The following PCDHA5 variants were observed in gnomAD, a reference collection of about 807,000 sequenced individuals.
The protein encoded by PCDHA5 is protocadherin alpha 5.
Under a neutral mutation model 61.6 loss-of-function variants are expected in PCDHA5, and 43 were observed. The ratio of observed to expected loss-of-function variants is 0.70; its 90% CI spans 0.55 to 0.90. The LOEUF is 0.90. Among genes scored for constraint, PCDHA5 ranks in the 40% least tolerant of loss-of-function variants. The pLI is 0.00. For synonymous variants in PCDHA5, 627 were observed against 543.9 expected (o/e 1.15, Z -2.13); for missense variants, 1,298 against 1,222.7 (o/e 1.06, Z -0.92).
intron 1 of PCDHA5, chr5:140,863,421 C>A (rs564217392): frequency 7.2e-6 from 5 of 689,680 alleles, no homozygotes; most frequent in Admixed American, 1.9e-5. Context: ...TGTACCGCAG[C>A]GTAGTGGGAT....
In PCDHA5 at chr5:140,822,807, T is replaced by TAA. The variant is rs2150119555; in HGVS notation, c.1033_1034dup (p.Asn345LysfsTer8). ...TAGTGAAACTCCTGGATGTGAATGA[T>TAA]AATACCCCAGAGATGGCCATAACCA... is the stretch of plus-strand genomic sequence containing the variant. On this transcript the variant is annotated frameshift_variant, in exon 1 of 4. Coordinates refer to ENST00000529859, the MANE Select transcript of PCDHA5 (RefSeq NM_018908.3). LOFTEE classifies it high-confidence loss of function. The TAA allele has an allele frequency of 6.2e-7, 1 of 1,614,176 alleles. No homozygotes were observed. The highest frequency in any genetic ancestry group is 1.1e-5 in the South Asian group (1 of 91,082).
chr5:140,893,205 T>A (rs192969362), intron 1 of PCDHA5, among the ~76,000 whole-genome samples: 1 of 152,338 alleles, frequency 6.6e-6, no homozygotes, highest in East Asian at 1.9e-4. Context: ...CTGCAGTAAG[T>A]ATGGGAGGTG....
At chr5:140,837,761 G>A (rs1274767174) in intron 1 of PCDHA5, among the ~76,000 whole-genome samples, 1 of 151,628 alleles carries the variant, frequency 6.6e-6, no homozygotes, top group Non-Finnish European at 1.5e-5. Context: ...ACTGCAACCT[G>A]AAAGTCCTGG....
At chr5:140,941,191 T>TTTTCTTTCTTTCTTTC (rs1217097209) in intron 1 of PCDHA5, among the ~76,000 whole-genome samples, 1 of 93,206 alleles carries the variant, frequency 1.1e-5, no homozygotes, top group Admixed American at 1.2e-4. Flanking sequence ...GCTTCTTTTT[T>TTTTCTTTCTTTCTTTC]TTTCTTTCTT....
At chr5:140,962,454 T>A (rs1554226040) in intron 1 of PCDHA5, among the ~76,000 whole-genome samples, 1 of 152,194 alleles carries the variant, frequency 6.6e-6, no homozygotes, top group Non-Finnish European at 1.5e-5. Flanking sequence ...TTGAATCTCT[T>A]ATGGCTTGAA....
At chr5:140,876,649 G>A (rs372867848) in intron 1 of PCDHA5, 6 of 1,614,222 alleles carry the variant, frequency 3.7e-6, no homozygotes, top group Non-Finnish European at 5.1e-6. Flanking sequence ...GACACCTCAT[G>A]TTCCCTTCAA....
In PCDHA5 at chr5:140,822,964, G is replaced by A; in HGVS notation, c.1189G>A (p.Val397Met). ...SLMPHVPFKL[V>M]STFKNYYSLV... ...AATGCCCCACGTTCCCTTCAAGCTG[G>A]TGTCCACCTTCAAGAATTACTACTC... Residue 397 changes from valine (V) to methionine (M), a missense_variant, in exon 1 of 4, where the codon GTG (valine) becomes ATG (methionine). Val to Met is a conservative substitution (Grantham distance 21). Coordinates refer to ENST00000529859, the MANE Select transcript of PCDHA5 (RefSeq NM_018908.3). 3 of 1,614,232 alleles carry A rather than the reference G, an allele frequency of 1.9e-6. No individual in the cohort carries two copies. The highest frequency in any genetic ancestry group is 2.5e-6 in the Non-Finnish European group (3 of 1,180,040).
At chr5:140,855,343 C>A (rs2043435489) in intron 1 of PCDHA5, among the ~76,000 whole-genome samples, 1 of 149,746 alleles carries the variant, frequency 6.7e-6, no homozygotes, top group African/African-American at 2.5e-5. Context: ...ACGATTTTCC[C>A]AAGTCATGTG....
At chr5:140,860,049 G>C (rs2046155952) in intron 1 of PCDHA5, 1 of 151,206 alleles carries the variant, frequency 6.6e-6, no homozygotes, top group Non-Finnish European at 1.5e-5. Context: ...AGCATTTTGA[G>C]AGGCCAAGGT....
chr5:140,929,282 A>T, intron 1 of PCDHA5: 1 of 1,601,564 alleles, frequency 6.2e-7, no homozygotes, highest in South Asian at 1.1e-5. Flanking sequence ...TCCTGTATTC[A>T]GATTCGGAAT....
At chr5:141,000,095 T>G (rs1299354306) in intron 3 of PCDHA5, among the ~76,000 whole-genome samples, 1 of 152,044 alleles carries the variant, frequency 6.6e-6, no homozygotes, top group Non-Finnish European at 1.5e-5. Flanking sequence ...TGAATGGAGC[T>G]CAACTCCGTC....
At chr5:140,849,935 G>T (rs2150458512) in intron 1 of PCDHA5, 2 of 1,597,924 alleles carry the variant, frequency 1.3e-6, no homozygotes, top group African/African-American at 2.7e-5. Context: ...TGTCTGCGCG[G>T]GACGCTGACG....
chr5:140,831,360 GTA>G (rs1292764909), intron 1 of PCDHA5: 3 of 103,666 alleles, frequency 2.9e-5, no homozygotes, highest in African/African-American at 1.2e-4. Flanking sequence ...TCACTATTTT[GTA>G]TGTGTGTGTG....
At chr5:140,850,244 G>A (rs2150475347) in intron 1 of PCDHA5, 2 of 1,593,676 alleles carry the variant, frequency 1.3e-6, no homozygotes, top group East Asian at 2.2e-5. Flanking sequence ...TGGTGCTGCG[G>A]TCGGTGGGCG....
At chr5:140,975,056 A>G (rs1006106436) in intron 1 of PCDHA5, among the ~76,000 whole-genome samples, 3 of 152,154 alleles carry the variant, frequency 2.0e-5, no homozygotes, top group Non-Finnish European at 4.4e-5. Flanking sequence ...AGAATCTACT[A>G]TCGAGCTCAT....
In PCDHA5 at chr5:140,823,733, A is replaced by T. The variant is rs2150128573; in HGVS notation, c.1958A>T (p.His653Leu). 19 of 1,613,748 alleles carry T rather than the reference A, an allele frequency of 1.2e-5. No individual in the cohort carries two copies. Among genetic ancestry groups the T allele is most frequent in the Non-Finnish European group, 1.6e-5 (19 of 1,179,926 alleles). Residue 653 changes from histidine (H) to leucine (L), a missense_variant, in exon 1 of 4, where the codon CAT (histidine) becomes CTT (leucine). Transcript: ENST00000529859. ...RHRLLVLVKD[H>L]GEPPLTATAT... ...CGCCTTCTGGTGCTGGTGAAGGACC[A>T]TGGAGAGCCCCCGCTGACAGCCACA...
chr5:140,917,067 C>T (rs375970452), intron 1 of PCDHA5, among the ~76,000 whole-genome samples: 3 of 152,178 alleles, frequency 2.0e-5, no homozygotes, highest in African/African-American at 4.8e-5. Context: ...ACGACAGCAC[C>T]GAGTTTAATG....
intron 1 of PCDHA5, chr5:140,869,331 G>T: frequency 6.2e-7 from 1 of 1,613,954 alleles, no homozygotes; most frequent in Non-Finnish European, 8.5e-7. Flanking sequence ...ACCTTCTGGA[G>T]GTAAATCTGC....
At chr5:140,883,190 C>G in intron 1 of PCDHA5, 1 of 1,613,818 alleles carries the variant, frequency 6.2e-7, no homozygotes, top group Non-Finnish European at 8.5e-7. Context: ...AAAAGGCAAA[C>G]TAGATTTCGA....
Sources: gnomAD v4.1 joint callset for allele counts (sites outside exome capture counted in the v4.1 genomes callset) on GRCh38, gnomAD v4.1.1 for gene constraint, MANE v1.5 for transcripts, NCBI Gene and HGNC (gene_info 2026-07-23, HGNC 2026-07-21) for gene names.